DENND5B: variants seen among roughly 807,000 people sequenced by gnomAD.
The protein encoded by DENND5B is DENN domain containing 5B.
A neutral mutation model predicts 140.6 loss-of-function variants in DENND5B; 34 were observed. That is an observed-to-expected ratio of 0.24 (90% CI 0.18 to 0.32). DENND5B has a LOEUF of 0.32. Among genes scored for constraint, DENND5B ranks in the 10% least tolerant of loss-of-function variants. The pLI is 1.00. For missense variants in DENND5B, 1,142 were observed against 1,560.2 expected (o/e 0.73, Z 4.52); for synonymous variants, 551 against 562.1 (o/e 0.98, Z 0.28).
chr12:31,392,594 G>A lies in DENND5B; in HGVS notation c.3339+20C>T. 1 of 1,551,690 alleles carries A rather than the reference G, an allele frequency of 6.4e-7. No individual in the cohort carries two copies. The highest frequency in any genetic ancestry group is 8.7e-7 in the Non-Finnish European group (1 of 1,146,946). On this transcript the variant is annotated intron_variant, in intron 18 of 20. Coordinates refer to ENST00000389082, the MANE Select transcript of DENND5B (RefSeq NM_144973.4). ...ATCTTTAAAAGTCCCACTATACTAA[G>A]TTTTATAGCCCATAAATACCTCTTT...
intron 1 of DENND5B, among the ~76,000 whole-genome samples, chr12:31,532,016 C>A (rs1438167884): frequency 2.0e-5 from 3 of 152,038 alleles, no homozygotes; most frequent in Non-Finnish European, 4.4e-5. Context: ...CACCAGGGGA[C>A]AAAAAATAAC....
At chr12:31,420,047 C>T (rs557773126) in intron 11 of DENND5B, 5 of 984,708 alleles carry the variant, frequency 5.1e-6, no homozygotes, top group African/African-American at 1.8e-5. Flanking sequence ...CTACACCTAC[C>T]CCCTGCCAAA....
intron 2 of DENND5B, among the ~76,000 whole-genome samples, chr12:31,487,124 A>G (rs1029234386): frequency 1.3e-5 from 2 of 152,216 alleles, no homozygotes; most frequent in Non-Finnish European, 2.9e-5. Context: ...ATGTCTTCAT[A>G]TTTCATATCA....
chr12:31,483,797 G>A (rs902309171), intron 2 of DENND5B, among the ~76,000 whole-genome samples: 2 of 149,916 alleles, frequency 1.3e-5, no homozygotes, highest in Non-Finnish European at 1.5e-5. Context: ...ATTACTTGCT[G>A]TTTATTTTAG....
At chr12:31,543,159 G>A (rs972264147) in intron 1 of DENND5B, among the ~76,000 whole-genome samples, 2 of 152,130 alleles carry the variant, frequency 1.3e-5, no homozygotes, top group Non-Finnish European at 2.9e-5. Flanking sequence ...AGTGAGCGTT[G>A]ACCGGGCCAC....
At chr12:31,588,681 T>G (rs1950490215) in intron 1 of DENND5B, among the ~76,000 whole-genome samples, 1 of 152,190 alleles carries the variant, frequency 6.6e-6, no homozygotes, top group African/African-American at 2.4e-5. Context: ...GATTTTGGTG[T>G]GGGGGACACT....
At chr12:31,437,209 C>A (rs143150304) in intron 7 of DENND5B, among the ~76,000 whole-genome samples, 95 of 150,496 alleles carry the variant, frequency 6.3e-4, no homozygotes, top group African/African-American at 2.3e-3. Flanking sequence ...GTGGCACAAT[C>A]TTGGCTCACT....
At chr12:31,503,944 A>C (rs1193498551) in intron 1 of DENND5B, among the ~76,000 whole-genome samples, 1 of 152,220 alleles carries the variant, frequency 6.6e-6, no homozygotes, top group Non-Finnish European at 1.5e-5. Context: ...ATGAGACATG[A>C]AAGCTATTCC....
At chr12:31,390,654 A>C (rs1941087232) in intron 19 of DENND5B, among the ~76,000 whole-genome samples, 1 of 151,696 alleles carries the variant, frequency 6.6e-6, no homozygotes, top group Non-Finnish European at 1.5e-5. Context: ...AAAAAAAATT[A>C]AATAGATTTA....
At chr12:31,439,982 A>C (rs1943962997) in intron 7 of DENND5B, among the ~76,000 whole-genome samples, 1 of 150,938 alleles carries the variant, frequency 6.6e-6, no homozygotes, top group South Asian at 2.1e-4. Flanking sequence ...TTAAACTAAT[A>C]GTCTATCCAG....
At chr12:31,542,916 A>T (rs1416972491) in intron 1 of DENND5B, among the ~76,000 whole-genome samples, 1 of 152,146 alleles carries the variant, frequency 6.6e-6, no homozygotes, top group Non-Finnish European at 1.5e-5. Context: ...AGACTGTGCC[A>T]CCATTACTCC....
rs749326383 is a variant in DENND5B, at chr12:31,415,416, A to G, written c.2503T>C (p.Ser835Pro). ...ALGPERRKSDSGVMLPTLRVS... is the reference protein window; with the variant it reads ...ALGPERRKSDPGVMLPTLRVS... The stretch of plus-strand genomic sequence containing the variant: ...CTGAGCGTTGGCAACATAACTCCTG[A>G]GTCAGATTTTCTTCTTTCTGGTCCG... The change falls in exon 12 of 21, where the codon TCA becomes CCA. Residue 835 changes from serine to proline, a missense_variant. Ser to Pro is a moderately conservative substitution (Grantham distance 74, BLOSUM62 -1). This residue lies in a region of DENND5B where 268 missense variants were observed against 349.2 expected (regional missense o/e 0.77). Coordinates refer to ENST00000389082, the MANE Select transcript of DENND5B (RefSeq NM_144973.4). The G allele has an allele frequency of 4.3e-6, 7 of 1,610,294 alleles. No individual in the cohort carries two copies. The highest frequency in any genetic ancestry group is 4.2e-6 in the Non-Finnish European group (5 of 1,178,170).
intron 1 of DENND5B, among the ~76,000 whole-genome samples, chr12:31,507,529 T>C (rs1237716149): frequency 6.6e-6 from 1 of 152,076 alleles, no homozygotes; most frequent in African/African-American, 2.4e-5. Flanking sequence ...ACCTTAGCAA[T>C]GAATTCAAGA....
At chr12:31,396,357 GTTGTTTTTT>G (rs1287591088) in intron 17 of DENND5B, 1 of 89,588 alleles carries the variant, frequency 1.1e-5, no homozygotes, top group Non-Finnish European at 2.2e-5. Flanking sequence ...TGTTGTTGTT[GTTGTTTTTT>G]TTTTTTTTTT....
chr12:31,484,724 C>A (rs1028786893), intron 2 of DENND5B, among the ~76,000 whole-genome samples: 1 of 152,102 alleles, frequency 6.6e-6, no homozygotes, highest in Admixed American at 6.6e-5. Context: ...TTGCTTGAAC[C>A]TGGGAGGCGG....
At chr12:31,409,605 A>T (rs925911695) in intron 13 of DENND5B, among the ~76,000 whole-genome samples, 1 of 150,974 alleles carries the variant, frequency 6.6e-6, no homozygotes, top group Non-Finnish European at 1.5e-5. Context: ...CAGCCTCATG[A>T]GTAGCTGGGA....
intron 2 of DENND5B, among the ~76,000 whole-genome samples, chr12:31,493,754 C>T (rs1565634575): frequency 6.6e-6 from 1 of 152,130 alleles, no homozygotes. Flanking sequence ...TTGCCTGAAC[C>T]CAGGAGGTGG....
chr12:31,581,286 A>G (rs988611499), intron 1 of DENND5B, among the ~76,000 whole-genome samples: 3 of 152,222 alleles, frequency 2.0e-5, no homozygotes, highest in Non-Finnish European at 4.4e-5. Flanking sequence ...TACAGTAATA[A>G]TCTAGAGATT....
At chr12:31,438,004 C>T (rs1437932550) in intron 7 of DENND5B, among the ~76,000 whole-genome samples, 33 of 152,102 alleles carry the variant, frequency 2.2e-4, no homozygotes, top group Non-Finnish European at 1.8e-4. Context: ...TTTTTTGAGA[C>T]GAAGTCTCAC....
Sources: gnomAD v4.1 joint callset for allele counts (sites outside exome capture counted in the v4.1 genomes callset) on GRCh38, gnomAD v4.1.1 for gene constraint, gnomAD v4.1.1 regional missense constraint, MANE v1.5 for transcripts, NCBI Gene and HGNC (gene_info 2026-07-23, HGNC 2026-07-21) for gene names.